GNB1: variants seen among roughly 807,000 people sequenced by gnomAD.
GNB1 encodes guanine nucleotide-binding protein G(I)/G(S)/G(T) subunit beta-1.
In GNB1, 2 loss-of-function variants were observed where a neutral mutation model predicts 42.9. That is an observed-to-expected ratio of 0.05 (90% confidence interval 0.02 to 0.15). The LOEUF (loss-of-function observed/expected upper bound fraction) is 0.15. GNB1 is among the 10% of genes least tolerant of loss of function. The pLI is 1.00. For missense variants in GNB1, 193 were observed against 462.2 expected (o/e 0.42, Z 5.34); for synonymous variants, 183 against 174.7 (o/e 1.05, Z -0.38).
intron 2 of GNB1, 76 bp from the exon 3 acceptor site, chr1:1,825,575 A>C: frequency 1.2e-6 from 1 of 852,272 alleles, no homozygotes; most frequent in Admixed American, 1.8e-5. Flanking sequence ...AAGTAAATTG[A>C]AAGTTTAAGG....
chr1:1,846,913 A>T (rs2101406588), intron 1 of GNB1, among the ~76,000 whole-genome samples: 1 of 152,274 alleles, frequency 6.6e-6, no homozygotes, highest in African/African-American at 2.4e-5. Flanking sequence ...GGGTGGCTTG[A>T]TCAGTTTAGA....
At chr1:1,826,931 G>A (rs1489636081) in intron 2 of GNB1, among the ~76,000 whole-genome samples, 1 of 152,186 alleles carries the variant, frequency 6.6e-6, no homozygotes. Context: ...GTATAACAAA[G>A]CTGAGGACAC....
intron 1 of GNB1, among the ~76,000 whole-genome samples, chr1:1,868,301 G>A (rs1175057984): frequency 5.9e-5 from 9 of 151,964 alleles, no homozygotes; most frequent in South Asian, 4.2e-4. Context: ...TCAGCCTCCC[G>A]CGTAGCTGGG....
At chr1:1,844,249 G>A (rs1647493665) in intron 1 of GNB1, among the ~76,000 whole-genome samples, 1 of 151,386 alleles carries the variant, frequency 6.6e-6, no homozygotes, top group Admixed American at 6.6e-5. Flanking sequence ...AAATTAGCCG[G>A]GCACGGTGGC....
rs1393446835 is a variant in GNB1, at chr1:1,825,332, A to ATGT, written c.57+64_57+65insACA. ...AGTCATCCTGTAAACCATTTTTCCT[A>ATGT]AAACAAGTAACATCTAACCTGAAAC... is the stretch of plus-strand genomic sequence containing the variant. On this transcript the variant is annotated intron_variant, in intron 3 of 11. Coordinates refer to ENST00000378609, the MANE Select transcript of GNB1 (RefSeq NM_002074.5). The ATGT allele has an allele frequency of 2.1e-5, 25 of 1,163,816 alleles. No individual in the cohort carries two copies. The African/African-American group carries it at 3.5e-4, about 16-fold the overall frequency. 72.1% of individuals were successfully genotyped at this position (1,163,816 alleles called of 1,614,324 possible).
At chr1:1,865,947 ATT>A (rs926115042) in intron 1 of GNB1, among the ~76,000 whole-genome samples, 1 of 145,526 alleles carries the variant, frequency 6.9e-6, no homozygotes, top group African/African-American at 2.5e-5. Context: ...GTATTTATTT[ATT>A]TTTTTTTTTT....
At chr1:1,855,107 C>G (rs1036943889) in intron 1 of GNB1, among the ~76,000 whole-genome samples, 2 of 150,722 alleles carry the variant, frequency 1.3e-5, no homozygotes, top group Non-Finnish European at 3.0e-5. Flanking sequence ...TACAGTGGGC[C>G]GAGATAGCTC....
At chr1:1,844,968 T>A (rs1479398176) in intron 1 of GNB1, among the ~76,000 whole-genome samples, 3 of 152,158 alleles carry the variant, frequency 2.0e-5, no homozygotes. Flanking sequence ...ATTCTTTAAT[T>A]CAAAAACACA....
At chr1:1,848,962 T>C (rs886937915) in intron 1 of GNB1, among the ~76,000 whole-genome samples, 11 of 152,228 alleles carry the variant, frequency 7.2e-5, no homozygotes, top group African/African-American at 2.7e-4. Context: ...TTGTTATTCA[T>C]GAGCCTCCAT....
At chr1:1,875,023 G>A (rs890872249) in intron 1 of GNB1, among the ~76,000 whole-genome samples, 1 of 152,242 alleles carries the variant, frequency 6.6e-6, no homozygotes, top group East Asian at 1.9e-4. Flanking sequence ...TGCAGTTCAT[G>A]ACGGGGTTCA....
intron 3 of GNB1, among the ~76,000 whole-genome samples, chr1:1,820,710 CCGGTTAGTGTCCAATGA>C (rs1229825223): frequency 6.6e-6 from 1 of 152,144 alleles, no homozygotes; most frequent in Non-Finnish European, 1.5e-5. Context: ...GCAACTTCCC[CCGGTTAGTGTCCAATGA>C]CTAAAATGAG....
intron 3 of GNB1, among the ~76,000 whole-genome samples, chr1:1,824,433 A>ACT (rs1028802501): frequency 1.3e-5 from 2 of 152,086 alleles, no homozygotes; most frequent in South Asian, 4.2e-4. Flanking sequence ...ACAGAGTGAA[A>ACT]CTCTCTCTCA....
intron 7 of GNB1, among the ~76,000 whole-genome samples, chr1:1,797,594 C>A: frequency 6.6e-6 from 1 of 152,202 alleles, no homozygotes; most frequent in East Asian, 1.9e-4. Context: ...CCTGCCACCA[C>A]ATCCAGCTAA....
Position 1,875,196 on chromosome 1 carries a change from G to GT in GNB1, c.-96+15623dup, listed in dbSNP as rs556437451. 1.4e-3 allele frequency among the ~76,000 whole-genome samples: 211 copies of GT among 147,100 alleles called. 1 individual carries two copies. The highest frequency in any genetic ancestry group is 0.014 in the East Asian group (69 of 5,098). ...TTAGAAGACATTTTATCTTTTTCTG[G>GT]TTTTTTTTTTTTGGAGACAAAGTCT... On this transcript the variant is annotated intron_variant, in intron 1 of 11. Transcript: ENST00000378609.
chr1:1,860,163 G>T (rs773946991), intron 1 of GNB1, among the ~76,000 whole-genome samples: 1 of 152,156 alleles, frequency 6.6e-6, no homozygotes, highest in Non-Finnish European at 1.5e-5. Flanking sequence ...TATCCTAAGT[G>T]AATTAACACA....
intron 1 of GNB1, among the ~76,000 whole-genome samples, chr1:1,865,971 T>C (rs1247147471): frequency 6.6e-6 from 1 of 151,806 alleles, no homozygotes; most frequent in East Asian, 1.9e-4. Context: ...TGAGTTTCAC[T>C]CTTGTTGCCC....
chr1:1,861,134 C>A (rs528551667), intron 1 of GNB1, among the ~76,000 whole-genome samples: 2 of 136,720 alleles, frequency 1.5e-5, no homozygotes, highest in Non-Finnish European at 3.1e-5. Context: ...AAAAAGGGAA[C>A]TGACTTCCCA....
intron 8 of GNB1, among the ~76,000 whole-genome samples, chr1:1,791,195 G>C (rs563094752): frequency 1.5e-5 from 2 of 136,242 alleles, no homozygotes; most frequent in African/African-American, 5.4e-5. Flanking sequence ...TTTTGAGACC[G>C]AATTTCACTC....
At chr1:1,880,453 T>TG (rs1291377586) in intron 1 of GNB1, among the ~76,000 whole-genome samples, 7 of 151,420 alleles carry the variant, frequency 4.6e-5, no homozygotes, top group African/African-American at 7.3e-5. Flanking sequence ...CCGGGCGTGG[T>TG]GGGGGGTGCC....
Sources: allele counts gnomAD v4.1 joint callset (sites outside exome capture counted in the v4.1 genomes callset), GRCh38; gene constraint gnomAD v4.1.1; transcripts MANE v1.5; gene names NCBI Gene and HGNC (gene_info 2026-07-23, HGNC 2026-07-21).